Variants in IQSEC1 observed in about 807,000 individuals in gnomAD.
IQSEC1 encodes IQ motif and SEC7 domain-containing protein 1.
IQSEC1 carries 31 observed loss-of-function variants against 91.0 expected under a neutral mutation model. The observed-to-expected ratio is 0.34, with a 90% CI of 0.26 to 0.46. The LOEUF (loss-of-function observed/expected upper bound fraction) is 0.46, where lower values mean the gene tolerates loss of function less well. Among genes scored for constraint, IQSEC1 ranks in the 20% least tolerant of loss-of-function variants. The probability of loss-of-function intolerance (pLI) is 1.00; values close to 1 mark genes in which losing one functional copy is unlikely to be tolerated. For synonymous variants in IQSEC1, 699 were observed against 662.6 expected, an observed-to-expected ratio of 1.05 and a Z score of -0.84; for missense variants, 1,388 against 1,575.6, an observed-to-expected ratio of 0.88 and a Z score of 2.02.
intron 1 of IQSEC1, among the ~76,000 whole-genome samples, chr3:13,014,077 G>A (rs1033159720): frequency 6.6e-6 from 1 of 152,162 alleles, no homozygotes; most frequent in South Asian, 2.1e-4. Context: ...AAGGCAGGTT[G>A]CTGCTGGAGG....
intron 1 of IQSEC1, among the ~76,000 whole-genome samples, chr3:13,236,354 C>G (rs1694928009): frequency 6.6e-6 from 1 of 152,220 alleles, no homozygotes. Flanking sequence ...GGACTGGAAA[C>G]TGTTCTGACA....
intron 1 of IQSEC1, among the ~76,000 whole-genome samples, chr3:13,165,519 TGGGG>T: frequency 2.0e-5 from 1 of 48,880 alleles, no homozygotes; most frequent in South Asian, 9.2e-4. Flanking sequence ...AGCGGGGGGG[TGGGG>T]GGTGGGGGGG....
At position 12,980,902 on chromosome 3, in the gene IQSEC1, C is replaced by T. The variant is rs181348387; in HGVS notation, c.24-39037G>A. The stretch of plus-strand genomic sequence containing the variant: ...GCGTGACAACCATGGCTGTCTTAGC[C>T]GATCCTGCCTCTTGACCTCAGGAGG... On this transcript the variant is annotated intron_variant, in intron 1 of 13. Coordinates refer to ENST00000613206, the MANE Select transcript of IQSEC1 (RefSeq NM_001134382.3). Among the ~76,000 whole-genome samples the T allele has an allele frequency of 5.3e-5, 8 of 152,288 alleles. No homozygotes were observed. The East Asian group carries it at 7.7e-4, about 15-fold the overall frequency.
At chr3:13,173,463 C>A (rs575734981) in intron 1 of IQSEC1, among the ~76,000 whole-genome samples, 2 of 152,356 alleles carry the variant, frequency 1.3e-5, no homozygotes, top group Admixed American at 6.5e-5. Context: ...CGGCCCAGAG[C>A]AGACTTGGCT....
chr3:13,196,525 T>G (rs1694130123), intron 1 of IQSEC1, among the ~76,000 whole-genome samples: 1 of 152,196 alleles, frequency 6.6e-6, no homozygotes, highest in Admixed American at 6.5e-5. Context: ...ACTGCAGCAT[T>G]TCCCAGGCTG....
chr3:13,014,614 G>A (rs536465480), intron 1 of IQSEC1, among the ~76,000 whole-genome samples: 1 of 152,184 alleles, frequency 6.6e-6, no homozygotes, highest in African/African-American at 2.4e-5. Flanking sequence ...GGGCTGGGGT[G>A]GGGGAGGCTT....
At chr3:13,277,007 G>T (rs1164287403) in intron 1 of IQSEC1, among the ~76,000 whole-genome samples, 2 of 149,040 alleles carry the variant, frequency 1.3e-5, no homozygotes, top group African/African-American at 5.0e-5. Flanking sequence ...TGGCTGGCCT[G>T]TGTTGTTTTT....
intron 1 of IQSEC1, among the ~76,000 whole-genome samples, chr3:13,215,809 G>A (rs1297285417): frequency 6.6e-6 from 1 of 152,218 alleles, no homozygotes; most frequent in Non-Finnish European, 1.5e-5. Flanking sequence ...GAGCAGCTGG[G>A]CTGAGAGGAG....
chr3:13,148,808 A>G (rs1404317288), intron 2 of IQSEC1, among the ~76,000 whole-genome samples: 1 of 152,274 alleles, frequency 6.6e-6, no homozygotes, highest in Non-Finnish European at 1.5e-5. Context: ...AGGACACGTC[A>G]GGCTAGCCTG....
intron 1 of IQSEC1, among the ~76,000 whole-genome samples, chr3:13,020,723 C>T (rs1170771659): frequency 6.6e-6 from 1 of 152,138 alleles, no homozygotes; most frequent in Non-Finnish European, 1.5e-5. Context: ...AGTGCAGTGG[C>T]TATTCACAGG....
At position 13,253,246 on chromosome 3, in the gene IQSEC1, A is replaced by T. The variant is rs111987895; in HGVS notation, c.272+29465T>A. On this transcript the variant is annotated intron_variant, in intron 1 of 15. Transcript: ENST00000648114. ...TAGATTTAACATTTCACTGAGGCAGAGAGAGGCTTGGTAACTTGCCATAGG... is the reference window on the plus strand; with the variant it reads ...TAGATTTAACATTTCACTGAGGCAGTGAGAGGCTTGGTAACTTGCCATAGG... Among the ~76,000 whole-genome samples, 626 of 152,342 alleles carry T rather than the reference A, an allele frequency of 4.1e-3. 8 individuals carry two copies. Among genetic ancestry groups the T allele is most frequent in the African/African-American group, 0.014 (588 of 41,576 alleles).
At position 13,208,261 on chromosome 3, in the gene IQSEC1, A is replaced by G. The variant is rs141705859; in HGVS notation, c.273-44128T>C. ...CACATCCTCTCCAAATACCTTCCCT[A>G]GAACACAGCCTTTGGTGCCTCCCAC... is the stretch of plus-strand genomic sequence containing the variant. On this transcript the variant is annotated intron_variant, in intron 1 of 15. Coordinates refer to the IQSEC1 transcript ENST00000648114. Among the ~76,000 whole-genome samples, 223 of 151,540 alleles carry G rather than the reference A, an allele frequency of 1.5e-3. 4 individuals carry two copies. The highest frequency in any genetic ancestry group is 0.014 in the Admixed American group (215 of 15,218).
chr3:13,151,091 A>G (rs1449281338), intron 2 of IQSEC1, among the ~76,000 whole-genome samples: 1 of 152,202 alleles, frequency 6.6e-6, no homozygotes, highest in Admixed American at 6.5e-5. Context: ...CTGTGAGGAA[A>G]TATCTCAGAA....
At chr3:13,066,367 C>A (rs373067271) in intron 1 of IQSEC1, among the ~76,000 whole-genome samples, 9 of 152,262 alleles carry the variant, frequency 5.9e-5, no homozygotes, top group East Asian at 1.9e-4. Context: ...GACTTCCGGG[C>A]AGCTGGTGAC....
At chr3:13,018,331 G>A (rs1205144710) in intron 1 of IQSEC1, among the ~76,000 whole-genome samples, 2 of 152,190 alleles carry the variant, frequency 1.3e-5, no homozygotes, top group Non-Finnish European at 2.9e-5. Context: ...CCCAGATGCA[G>A]CCACGGTGGG....
intron 2 of IQSEC1, among the ~76,000 whole-genome samples, chr3:13,104,606 GCAGTTT>G (rs951060504): frequency 6.6e-6 from 1 of 152,164 alleles, no homozygotes; most frequent in Non-Finnish European, 1.5e-5. Context: ...CCACATCTTA[GCAGTTT>G]CATCTCCAAG....
rs982316236 is a variant in IQSEC1 at position 12,975,983 on chromosome 3, C to T, written c.24-34118G>A. Among the ~76,000 whole-genome samples, 4 of 152,378 alleles carry T rather than the reference C, an allele frequency of 2.6e-5. No individual in the cohort carries two copies. The South Asian group carries it at 8.3e-4, about 32-fold the overall frequency. On this transcript the variant is annotated intron_variant, in intron 1 of 13. Coordinates refer to ENST00000613206, the MANE Select transcript of IQSEC1 (RefSeq NM_001134382.3). ...GCAGAGGCAGACTCCTGGCTCGGCTCCCTTCTTGGCTGTATAGCCTTGGGC... is the reference window on the plus strand; with the variant it reads ...GCAGAGGCAGACTCCTGGCTCGGCTTCCTTCTTGGCTGTATAGCCTTGGGC...
intron 9 of IQSEC1, among the ~76,000 whole-genome samples, chr3:12,912,706 C>T (rs1304358762): frequency 6.7e-6 from 1 of 149,004 alleles, no homozygotes; most frequent in African/African-American, 2.5e-5. Flanking sequence ...AGAACATGGG[C>T]ATCTTTGGCA....
At chr3:13,011,618 T>C (rs1702886690) in intron 1 of IQSEC1, among the ~76,000 whole-genome samples, 1 of 152,208 alleles carries the variant, frequency 6.6e-6, no homozygotes, top group Non-Finnish European at 1.5e-5. Context: ...TTTTTAACAT[T>C]CACTGTGTAA....
Sources: gnomAD v4.1 joint callset for allele counts (sites outside exome capture counted in the v4.1 genomes callset) on GRCh38, gnomAD v4.1.1 for gene constraint, MANE v1.5 for transcripts, NCBI Gene and HGNC (gene_info 2026-07-23, HGNC 2026-07-21) for gene names.